Variants in SMAD6 observed in about 807,000 individuals in gnomAD.
SMAD6 encodes MAD homolog 6.
In SMAD6, 103 loss-of-function variants were observed where a neutral mutation model predicts 39.4. The observed-to-expected ratio is 2.62, with a 90% CI of 2.23 to 3.08. The LOEUF (loss-of-function observed/expected upper bound fraction) is 3.08. Among genes scored for constraint, SMAD6 ranks in the 30% most tolerant of loss-of-function variants. The pLI is 0.00. For missense variants in SMAD6, 1,104 were observed against 742.9 expected (o/e 1.49, Z -5.65); for synonymous variants, 445 against 353.3 (o/e 1.26, Z -2.91).
Position 66,703,311 on chromosome 15 carries a change from T to G in SMAD6, c.53T>G (p.Val18Gly), listed in dbSNP as rs1221430921. The change falls in exon 1 of 4, where the codon GTG (valine) becomes GGG (glycine). Residue 18 changes from valine to glycine, a missense_variant. Transcript: ENST00000288840. ...GTGCGGCGACTTTGGCGAAGTCGTG[T>G]GGTCCCCGACCGGGAGGAAGGCGGC... Reference protein sequence around the residue: ...GLVRRLWRSRVVPDREEGGSG... With the variant: ...GLVRRLWRSRGVPDREEGGSG... 2 of 1,489,872 alleles carry G rather than the reference T, an allele frequency of 1.3e-6. No individual in the cohort carries two copies. The highest frequency in any genetic ancestry group is 2.3e-5 in the Admixed American group (1 of 42,984). The allele number at this position is 1,489,872 out of a possible 1,614,324, so 92.3% of individuals were successfully genotyped here. A position where few individuals can be genotyped will look rare whatever the true frequency, so the allele number is the denominator to read the frequency against.
At chr15:66,758,580 T>G (rs1476573815) in intron 3 of SMAD6, among the ~76,000 whole-genome samples, 1 of 151,966 alleles carries the variant, frequency 6.6e-6, no homozygotes, top group East Asian at 1.9e-4. Context: ...ATACAAAAAT[T>G]AGCCTGGCAC....
At position 66,782,505 on chromosome 15, in the gene SMAD6, T is replaced by A. The variant is rs924038239; in HGVS notation, c.*970T>A. 1 of 152,170 alleles carries A rather than the reference T, an allele frequency of 6.6e-6. No homozygotes were observed. Among genetic ancestry groups the A allele is most frequent in the African/African-American group, 2.4e-5 (1 of 41,452 alleles). 9.4% of individuals were successfully genotyped at this position (152,170 alleles called of 1,614,324 possible). ...CTATTTCCCACCCCCCAGCCAAAAA[T>A]AGCTCAGAATCTGCCCATCCAGGGC... On this transcript the variant is annotated 3_prime_UTR_variant, in exon 4 of 4. Coordinates refer to ENST00000288840, the MANE Select transcript of SMAD6 (RefSeq NM_005585.5).
intron 3 of SMAD6, among the ~76,000 whole-genome samples, chr15:66,743,521 G>C (rs1440373): frequency 0.22 from 32,660 of 151,744 alleles, 4,022 homozygotes; most frequent in Admixed American, 0.39. Context: ...TGTTCATCCA[G>C]CCAGTTAGTG....
chr15:66,763,217 C>G lies in SMAD6; in HGVS notation c.953-17780C>G, dbSNP rs73473506. On this transcript the variant is annotated intron_variant, in intron 3 of 3. Coordinates refer to ENST00000288840, the MANE Select transcript of SMAD6 (RefSeq NM_005585.5). ...CTGGTGGCCAGGCCTGACTCCCTGCCCAAGGTCAGCATGCCACTTGGAGGT... is the reference window on the plus strand; with the variant it reads ...CTGGTGGCCAGGCCTGACTCCCTGCGCAAGGTCAGCATGCCACTTGGAGGT... 4.0e-3 allele frequency among the ~76,000 whole-genome samples: 613 copies of G among 152,266 alleles called. 5 individuals carry two copies. The highest frequency in any genetic ancestry group is 0.014 in the African/African-American group (581 of 41,562).
At chr15:66,749,381 C>A (rs193241111) in intron 3 of SMAD6, among the ~76,000 whole-genome samples, 2 of 152,290 alleles carry the variant, frequency 1.3e-5, no homozygotes, top group Admixed American at 1.3e-4. Flanking sequence ...TCGATTGAAC[C>A]TTGCTGGCAG....
intron 3 of SMAD6, among the ~76,000 whole-genome samples, chr15:66,762,763 A>G (rs1217746043): frequency 6.6e-6 from 1 of 152,174 alleles, no homozygotes; most frequent in Non-Finnish European, 1.5e-5. Context: ...GGTCAGCTTC[A>G]GAACCCATGG....
Position 66,703,577 on chromosome 15 carries a change from G to T in SMAD6, c.319G>T (p.Val107Leu). ...GAGAGSSLLD[V>L]AEPGGPGWLP... ...CGGCGCTGGGAGCTCCCTGCTGGAC[G>T]TGGCGGAGCCGGGAGGCCCGGGCTG... The change falls in exon 1 of 4, where the codon GTG (valine) becomes TTG (leucine). Residue 107 changes from valine to leucine, a missense_variant. Transcript: ENST00000288840. 8.2e-7 allele frequency: 1 copy of T among 1,226,156 alleles called. No homozygotes were observed. The highest frequency in any genetic ancestry group is 1.0e-6 in the Non-Finnish European group (1 of 981,250). The allele number at this position is 1,226,156 out of a possible 1,614,324, so 76.0% of individuals were successfully genotyped here. A position where few individuals can be genotyped will look rare whatever the true frequency, so the allele number is the denominator to read the frequency against.
intron 3 of SMAD6, among the ~76,000 whole-genome samples, chr15:66,767,231 G>A (rs1337414432): frequency 6.6e-6 from 1 of 152,104 alleles, no homozygotes; most frequent in African/African-American, 2.4e-5. Flanking sequence ...TGTAGAATTG[G>A]GAAACCTTCC....
At chr15:66,710,561 CT>C (rs1044429071) in intron 1 of SMAD6, among the ~76,000 whole-genome samples, 107 of 152,236 alleles carry the variant, frequency 7.0e-4, no homozygotes, top group African/African-American at 2.5e-3. Flanking sequence ...CTTATTACCC[CT>C]TGTGTCATTA....
chr15:66,751,814 G>A (rs961342862), intron 3 of SMAD6, among the ~76,000 whole-genome samples: 5 of 152,204 alleles, frequency 3.3e-5, no homozygotes, highest in South Asian at 2.1e-4. Flanking sequence ...GGACTTTGGC[G>A]ATCAGCCAGA....
intron 3 of SMAD6, among the ~76,000 whole-genome samples, chr15:66,742,824 G>T (rs1188520036): frequency 6.6e-6 from 1 of 152,136 alleles, no homozygotes; most frequent in Admixed American, 6.5e-5. Context: ...TAGACTGCCC[G>T]CTGCGCTCCC....
intron 3 of SMAD6, among the ~76,000 whole-genome samples, chr15:66,778,873 G>A (rs1242162669): frequency 6.6e-6 from 1 of 152,228 alleles, no homozygotes; most frequent in Non-Finnish European, 1.5e-5. Flanking sequence ...CCAGCTCGTA[G>A]AAGGCACTCA....
intron 3 of SMAD6, among the ~76,000 whole-genome samples, chr15:66,721,794 G>A (rs1893437527): frequency 6.6e-6 from 1 of 152,188 alleles, no homozygotes; most frequent in African/African-American, 2.4e-5. Flanking sequence ...CTGCCCTCAA[G>A]GTATTCACAG....
intron 3 of SMAD6, among the ~76,000 whole-genome samples, chr15:66,727,238 G>C (rs28629948): frequency 6.6e-6 from 1 of 151,688 alleles, no homozygotes; most frequent in South Asian, 2.1e-4. Flanking sequence ...GAGTAGCTGG[G>C]ACTACAAGCG....
intron 3 of SMAD6, among the ~76,000 whole-genome samples, chr15:66,722,654 C>T (rs2469118): frequency 0.21 from 31,207 of 152,178 alleles, 3,478 homozygotes; most frequent in African/African-American, 0.3. Flanking sequence ...ATCAATCCCT[C>T]GCCATGTGTC....
chr15:66,743,342 A>C (rs895794102), intron 3 of SMAD6, among the ~76,000 whole-genome samples: 1 of 152,106 alleles, frequency 6.6e-6, no homozygotes, highest in Admixed American at 6.5e-5. Flanking sequence ...CTGAGCTTGA[A>C]TGGTGAGGAG....
At chr15:66,718,150 G>GTGTGTGTGTC (rs1159075604) in intron 3 of SMAD6, among the ~76,000 whole-genome samples, 1 of 148,998 alleles carries the variant, frequency 6.7e-6, no homozygotes. Context: ...GTGTGTGTGT[G>GTGTGTGTGTC]TCTGTGCATG....
chr15:66,757,170 G>A (rs1160242617), intron 3 of SMAD6, among the ~76,000 whole-genome samples: 2 of 152,120 alleles, frequency 1.3e-5, no homozygotes, highest in East Asian at 1.9e-4. Flanking sequence ...AGAGCGGGCT[G>A]GTGTGAGACA....
Position 66,702,400 on chromosome 15 carries a change from C to T in SMAD6, c.-859C>T, listed in dbSNP as rs903609665. On this transcript the variant is annotated 5_prime_UTR_variant, in exon 1 of 4. Transcript: ENST00000288840. The stretch of plus-strand genomic sequence containing the variant: ...GCTGCCTCGCCAGACCTCGCTGGGA[C>T]CCCGGGGCCACCGGGAGGCACTTTT... 6.6e-6 allele frequency: 1 copy of T among 151,732 alleles called. No homozygotes were observed. Among genetic ancestry groups the T allele is most frequent in the African/African-American group, 2.4e-5 (1 of 41,256 alleles). The allele number at this position is 151,732 out of a possible 1,614,324, so 9.4% of individuals were successfully genotyped here. A position where few individuals can be genotyped will look rare whatever the true frequency, so the allele number is the denominator to read the frequency against.
Sources: allele counts gnomAD v4.1 joint callset (sites outside exome capture counted in the v4.1 genomes callset), GRCh38; gene constraint gnomAD v4.1.1; transcripts MANE v1.5; gene names NCBI Gene and HGNC (gene_info 2026-07-23, HGNC 2026-07-21).